Variants in ZFP1 observed in about 807,000 individuals in gnomAD.
ZFP1 encodes the protein ZFP1 zinc finger protein, also known as zinc finger protein 1 homolog.
Under a neutral mutation model 38.5 loss-of-function variants are expected in ZFP1, and 32 were observed. The ratio of observed to expected loss-of-function variants is 0.83; its 90% CI spans 0.63 to 1.12. The LOEUF is 1.12. ZFP1 is among the 50% of genes most tolerant of loss of function. The pLI, the probability that ZFP1 is intolerant of heterozygous loss-of-function variation, is 0.00. For missense variants in ZFP1, 616 were observed against 480.8 expected (o/e 1.28, Z -2.63); for synonymous variants, 245 against 168.8 (o/e 1.45, Z -3.50).
chr16:75,148,452 C>A (rs979221445), upstream of ZFP1: 43 of 152,296 alleles, frequency 2.8e-4, no homozygotes, highest in African/African-American at 8.9e-4. Flanking sequence ...TGGTCCACCC[C>A]TCCGAGGACC....
At chr16:75,158,407 A>T (rs1017573524) in intron 2 of ZFP1, among the ~76,000 whole-genome samples, 1 of 151,074 alleles carries the variant, frequency 6.6e-6, no homozygotes, top group African/African-American at 2.4e-5. Context: ...GCAGTGCTGG[A>T]GTGAAGTGGT....
At chr16:75,138,058 G>A in the ZFP1 span, among the ~76,000 whole-genome samples, 53 of 83,648 alleles carry the variant, frequency 6.3e-4, no homozygotes, top group African/African-American at 3.1e-3. Context: ...TTTTTTTTGA[G>A]ACGGAGTCTC....
chr16:75,135,276 G>A, the ZFP1 span, among the ~76,000 whole-genome samples: 2 of 30,280 alleles, frequency 6.6e-5, no homozygotes, highest in African/African-American at 3.2e-4. Context: ...TTCATACAGT[G>A]GAACGTTAAT....
chr16:75,166,786 C>T lies in ZFP1; in HGVS notation c.32C>T (p.Thr11Met), dbSNP rs375878446. 51 of 1,614,004 alleles carry T rather than the reference C, an allele frequency of 3.2e-5. No individual in the cohort carries two copies. Among genetic ancestry groups the T allele is most frequent in the African/African-American group, 2.5e-4 (19 of 74,908 alleles). The change falls in exon 3 of 4, where the codon ACG becomes ATG. Residue 11 changes from threonine (T) to methionine (M), a missense_variant. By Grantham distance (81) the Thr-to-Met change is moderately conservative. Transcript: ENST00000570010. The stretch of plus-strand genomic sequence containing the variant: ...CCATTTCAGGGATCAGTTTCATTCA[C>T]GGATGTGACTGTGGACTTTACCCAG... Reference protein sequence around the residue: MNKSQGSVSFTDVTVDFTQEE... With the variant: MNKSQGSVSFMDVTVDFTQEE...
chr16:75,138,601 G>C, the ZFP1 span, among the ~76,000 whole-genome samples: 1 of 152,238 alleles, frequency 6.6e-6, no homozygotes. Context: ...TAGCTAAGAT[G>C]AGGTCACACT....
At chr16:75,120,410 A>T in the ZFP1 span, among the ~76,000 whole-genome samples, 3 of 152,152 alleles carry the variant, frequency 2.0e-5, no homozygotes, top group Non-Finnish European at 4.4e-5. Context: ...TTAAGGGAGA[A>T]ACCTGTTTTT....
chr16:75,132,177 C>T, the ZFP1 span, among the ~76,000 whole-genome samples: 1 of 151,974 alleles, frequency 6.6e-6, no homozygotes, highest in Admixed American at 6.6e-5. Context: ...CACTTGAGGT[C>T]AGAAGTTTGA....
the ZFP1 span, among the ~76,000 whole-genome samples, chr16:75,121,784 C>G: frequency 6.6e-6 from 1 of 152,014 alleles, no homozygotes; most frequent in African/African-American, 2.4e-5. Context: ...AAAAAAGACT[C>G]GTCAAATATT....
At chr16:75,168,867 T>C (rs910918024) in intron 3 of ZFP1, among the ~76,000 whole-genome samples, 1 of 152,304 alleles carries the variant, frequency 6.6e-6, no homozygotes, top group East Asian at 1.9e-4. Context: ...AATTCCCTCA[T>C]CTGCTTACTT....
At chr16:75,123,679 T>C in the ZFP1 span, among the ~76,000 whole-genome samples, 28,746 of 150,810 alleles carry the variant, frequency 0.19, 3,653 homozygotes, top group East Asian at 0.57. Flanking sequence ...AGTTTCACTA[T>C]GTTGCCCAGG....
the ZFP1 span, among the ~76,000 whole-genome samples, chr16:75,138,232 T>C: frequency 6.6e-6 from 1 of 152,020 alleles, no homozygotes; most frequent in Non-Finnish European, 1.5e-5. Flanking sequence ...AGATGGGGTT[T>C]CACCATGTTG....
At chr16:75,164,852 A>G (rs1365061918) in intron 2 of ZFP1, among the ~76,000 whole-genome samples, 1 of 151,478 alleles carries the variant, frequency 6.6e-6, no homozygotes, top group African/African-American at 2.4e-5. Flanking sequence ...GTTGCACAGG[A>G]TGGAGTGCAA....
At chr16:75,121,316 G>A in the ZFP1 span, among the ~76,000 whole-genome samples, 14 of 149,552 alleles carry the variant, frequency 9.4e-5, no homozygotes, top group South Asian at 4.3e-4. Context: ...TAATAGAGAC[G>A]GGGTTTCGCC....
At chr16:75,139,075 ACTGT>A in the ZFP1 span, among the ~76,000 whole-genome samples, 1 of 151,846 alleles carries the variant, frequency 6.6e-6, no homozygotes, top group African/African-American at 2.4e-5. Flanking sequence ...ATCCCTCAAA[ACTGT>A]CAGAGCTGGG....
chr16:75,129,245 C>T, the ZFP1 span, among the ~76,000 whole-genome samples: 4 of 152,152 alleles, frequency 2.6e-5, no homozygotes, highest in African/African-American at 9.7e-5. Flanking sequence ...TAAAAATGAG[C>T]TTTCCTAGCA....
the ZFP1 span, among the ~76,000 whole-genome samples, chr16:75,125,784 T>C: frequency 1.3e-5 from 2 of 152,112 alleles, no homozygotes; most frequent in Non-Finnish European, 1.5e-5. Flanking sequence ...GGCTCATGAC[T>C]GTAAGCCCAG....
At chr16:75,124,120 TA>T in the ZFP1 span, among the ~76,000 whole-genome samples, 1 of 151,046 alleles carries the variant, frequency 6.6e-6, no homozygotes, top group African/African-American at 2.4e-5. Context: ...AAATAAAAAA[TA>T]AGTGTGTCCT....
upstream of ZFP1, among the ~76,000 whole-genome samples, chr16:75,145,837 T>G (rs2036937068): frequency 6.6e-6 from 1 of 152,204 alleles, no homozygotes; most frequent in Non-Finnish European, 1.5e-5. Context: ...TTCTGGATGC[T>G]GGACAAGGAC....
intron 2 of ZFP1, among the ~76,000 whole-genome samples, chr16:75,155,061 A>C (rs1005433160): frequency 3.3e-5 from 5 of 152,106 alleles, no homozygotes; most frequent in African/African-American, 9.7e-5. Context: ...GGCCTCCCAA[A>C]ATGCTGATTA....
Sources: gnomAD v4.1 joint callset for allele counts (sites outside exome capture counted in the v4.1 genomes callset) on GRCh38, gnomAD v4.1.1 for gene constraint, MANE v1.5 for transcripts, NCBI Gene and HGNC (gene_info 2026-07-23, HGNC 2026-07-21) for gene names.